Variants in LRRC41 observed in about 807,000 individuals in gnomAD.
LRRC41 encodes the protein leucine rich repeat containing 41, also known as leucine-rich repeat-containing protein 41.
In LRRC41, 17 loss-of-function variants were observed where a neutral mutation model predicts 72.1. The ratio of observed to expected loss-of-function variants is 0.24; its 90% CI spans 0.16 to 0.35. LRRC41 has a LOEUF of 0.35. Ranked by LOEUF, LRRC41 falls within the 10% of genes least tolerant of loss-of-function variation. The pLI is 1.00. For missense variants in LRRC41, 759 were observed against 1,065.0 expected (o/e 0.71, Z 4.00); for synonymous variants, 427 against 431.0 (o/e 0.99, Z 0.11).
At chr1:46,293,575 GTTT>G (rs1007868393) in intron 3 of LRRC41, among the ~76,000 whole-genome samples, 8 of 151,760 alleles carry the variant, frequency 5.3e-5, no homozygotes, top group African/African-American at 1.9e-4. Context: ...TTGTTTATTG[GTTT>G]TATTATTTTT....
intron 7 of LRRC41, 66 bp downstream of exon 7, chr1:46,280,126 A>T: frequency 8.2e-7 from 1 of 1,223,614 alleles, no homozygotes; most frequent in Non-Finnish European, 1.2e-6. Flanking sequence ...TGGTTTGCTC[A>T]CTCAGATTAT....
chr1:46,294,762 T>C (rs1354883623), intron 3 of LRRC41, among the ~76,000 whole-genome samples: 1 of 151,836 alleles, frequency 6.6e-6, no homozygotes, highest in Non-Finnish European at 1.5e-5. Flanking sequence ...GCCCAGCTAA[T>C]TTTTGTATTT....
At position 46,303,503 on chromosome 1, in the gene LRRC41, T is replaced by A; in HGVS notation, c.-181A>T. On this transcript the variant is annotated 5_prime_UTR_variant, in exon 1 of 10. Transcript: ENST00000617190. ...CTACTATTTTAGATAAACTCCTAGA[T>A]CAATTATACTTGGGTGTGGTATGAC... 1.3e-6 allele frequency: 1 copy of A among 744,296 alleles called. No individual in the cohort carries two copies. The highest frequency in any genetic ancestry group is 2.1e-6 in the Non-Finnish European group (1 of 469,424). The allele number at this position is 744,296 out of a possible 1,614,324, so 46.1% of individuals were successfully genotyped here.
At position 46,283,822 on chromosome 1, in the gene LRRC41, C is replaced by T. The variant is rs186932743; in HGVS notation, c.1495+1540G>A. ...CTGGGATTACAGGCGCCCACCATCA[C>T]GCCTGGCTAATTTTTGTATTTTTAG... On this transcript the variant is annotated intron_variant, in intron 4 of 9. Transcript: ENST00000617190. 1.6e-3 allele frequency among the ~76,000 whole-genome samples: 245 copies of T among 151,964 alleles called. 1 individual carries two copies. Among genetic ancestry groups the T allele is most frequent in the Non-Finnish European group, 2.6e-4 (18 of 67,976 alleles).
Position 46,277,764 on chromosome 1 carries a change from T to C in LRRC41, c.*1101A>G. The C allele has an allele frequency of 6.5e-7, 1 of 1,542,028 alleles. No individual in the cohort carries two copies. The highest frequency in any genetic ancestry group is 8.9e-7 in the Non-Finnish European group (1 of 1,117,584). ...CTTTGGTTTTCCTGCTCCCTTTTTA[T>C]GAGGATGGCTAAGCGCTGTATCTTT... On this transcript the variant is annotated 3_prime_UTR_variant, in exon 10 of 10. Coordinates refer to ENST00000617190, the MANE Select transcript of LRRC41 (RefSeq NM_006369.5).
chr1:46,278,397 G>C lies in LRRC41; in HGVS notation c.*468C>G. ...TGGGAGAAAATCATCAAGAAGGGCT[G>C]CATGATGTTTGCCCAAAATTTATTT... is the stretch of plus-strand genomic sequence containing the variant. On this transcript the variant is annotated 3_prime_UTR_variant, in exon 10 of 10. Coordinates refer to ENST00000617190, the MANE Select transcript of LRRC41 (RefSeq NM_006369.5). The C allele has an allele frequency of 8.2e-7, 1 of 1,220,664 alleles. No homozygotes were observed. The highest frequency in any genetic ancestry group is 1.2e-6 in the Non-Finnish European group (1 of 859,628). 75.6% of individuals were successfully genotyped at this position (1,220,664 alleles called of 1,614,324 possible). A position where few individuals can be genotyped will look rare whatever the true frequency, so the allele number is the denominator to read the frequency against.
At position 46,279,588 on chromosome 1, in the gene LRRC41, A is replaced by G; in HGVS notation, c.2047T>C (p.Phe683Leu). The change falls in exon 8 of 10, where the codon TTT (phenylalanine) becomes CTT (leucine). Residue 683 changes from phenylalanine to leucine, a missense_variant. Coordinates refer to ENST00000617190, the MANE Select transcript of LRRC41 (RefSeq NM_006369.5). The surrounding 1 kb of genome is among the most constrained non-coding windows in gnomAD (Gnocchi z 4.5). ...AGAAATTGGGCTGGGCGCTTCTCAA[A>G]CAGACGGCAGAAGGAGAAGGTAATC... ...QEITFSFCRL[F>L]EKRPAQFLPE... 6.2e-7 allele frequency: 1 copy of G among 1,614,174 alleles called. No homozygotes were observed. Among genetic ancestry groups the G allele is most frequent in the Non-Finnish European group, 8.5e-7 (1 of 1,180,032 alleles).
chr1:46,294,683 C>T (rs1486569913), intron 3 of LRRC41, among the ~76,000 whole-genome samples: 1 of 150,054 alleles, frequency 6.7e-6, no homozygotes, highest in Non-Finnish European at 1.5e-5. Flanking sequence ...CAACCTCTGC[C>T]TCCTGGGTTC....
At position 46,279,623 on chromosome 1, in the gene LRRC41, A is replaced by T. The variant is rs1319064098; in HGVS notation, c.2021-9T>A. On this transcript the variant is annotated splice_polypyrimidine_tract_variant and intron_variant, in intron 7 of 9. Transcript: ENST00000617190. This position sits in a 1 kb window ranked among gnomAD's most constrained non-coding sequence, Gnocchi z 4.5. ...GAAGGAGAAGGTAATCTCTGTCAAG[A>T]AAAATTATAGTAAATTCTGATGGCT... 6.2e-7 allele frequency: 1 copy of T among 1,614,182 alleles called. No homozygotes were observed. Among genetic ancestry groups the T allele is most frequent in the Admixed American group, 1.7e-5 (1 of 60,024 alleles).
intron 1 of LRRC41, chr1:46,301,904 T>A: frequency 1.1e-6 from 1 of 949,966 alleles, no homozygotes; most frequent in Non-Finnish European, 1.2e-6. Context: ...GACCCCACCC[T>A]CACAGAGCCA....
intron 3 of LRRC41, among the ~76,000 whole-genome samples, chr1:46,289,102 G>C (rs1409833841): frequency 6.6e-6 from 1 of 152,184 alleles, no homozygotes; most frequent in Non-Finnish European, 1.5e-5. Flanking sequence ...GGTTAGATAG[G>C]TAAATACTGG....
At position 46,278,879 on chromosome 1, in the gene LRRC41, C is replaced by T; in HGVS notation, c.2425G>A (p.Val809Ile). ...WDSSQAFADY[V>I]STM ...TACGGGCCCCATCACATGGTGCTAA[C>T]ATAATCTGCGAAGGCCTGGGATGAG... Residue 809 changes from valine (V) to isoleucine (I), a missense_variant, in exon 10 of 10, where the codon GTT becomes ATT. Val to Ile is a conservative substitution (Grantham distance 29). Around this residue, in one of 4 missense-constraint regions of LRRC41, gnomAD observed 110 missense variants for 227.0 expected, o/e 0.48. Transcript: ENST00000617190. 1 of 1,610,670 alleles carries T rather than the reference C, an allele frequency of 6.2e-7. No homozygotes were observed. Among genetic ancestry groups the T allele is most frequent in the Middle Eastern group, 1.7e-4 (1 of 6,056 alleles).
chr1:46,280,224 A>G lies in LRRC41; in HGVS notation c.1988T>C (p.Val663Ala), dbSNP rs1660742466. 2 of 1,614,050 alleles carry G rather than the reference A, an allele frequency of 1.2e-6. No homozygotes were observed. ...AGTCAGATTCTGTAGCAAAAAGAGC[A>G]CCTCGCTCTGACAGTCAGCGAGATT... is the stretch of plus-strand genomic sequence containing the variant. ...DMNLADCQSE[V>A]LFLLQNLTLQ... Residue 663 changes from valine (V) to alanine (A), a missense_variant, in exon 7 of 10, where the codon GTG becomes GCG. Coordinates refer to ENST00000617190, the MANE Select transcript of LRRC41 (RefSeq NM_006369.5).
Position 46,303,140 on chromosome 1 carries a change from C to T in LRRC41, c.183G>A (p.Leu61=). 6.7e-7 allele frequency: 1 copy of T among 1,496,476 alleles called. No homozygotes were observed. Among genetic ancestry groups the T allele is most frequent in the Non-Finnish European group, 8.9e-7 (1 of 1,126,396 alleles). The allele number at this position is 1,496,476 out of a possible 1,614,324, so 92.7% of individuals were successfully genotyped here. The change falls in exon 1 of 10, where the codon CTG becomes CTA. Residue 61 remains leucine (L), a synonymous_variant. Coordinates refer to ENST00000617190, the MANE Select transcript of LRRC41 (RefSeq NM_006369.5). ...GCGACTTACCCCACACCCCGCTCTCCAGAACCCCCATATGGGCGCTCACCG... is the reference window on the plus strand; with the variant it reads ...GCGACTTACCCCACACCCCGCTCTCTAGAACCCCCATATGGGCGCTCACCG... The part of the protein sequence containing the change: ...GRAVSAHMGV[L]ESGVWALPGP...
At position 46,278,853 on chromosome 1, in the gene LRRC41, G is replaced by T. The variant is rs749809312; in HGVS notation, c.*12C>A. ...ATGGTACCGAGCATGAGACTGTGAG[G>T]TACGGGCCCCATCACATGGTGCTAA... On this transcript the variant is annotated 3_prime_UTR_variant, in exon 10 of 10. Transcript: ENST00000617190. 10 of 1,604,918 alleles carry T rather than the reference G, an allele frequency of 6.2e-6. No individual in the cohort carries two copies. The highest frequency in any genetic ancestry group is 6.8e-6 in the Non-Finnish European group (8 of 1,177,252).
intron 4 of LRRC41, among the ~76,000 whole-genome samples, chr1:46,283,685 T>C (rs1486783789): frequency 6.6e-6 from 1 of 151,838 alleles, no homozygotes; most frequent in Non-Finnish European, 1.5e-5. Context: ...TGAGGAACTC[T>C]GAATAAACAG....
rs953413559 is a variant in LRRC41, at chr1:46,302,960, C to G, written c.199+164G>C. On this transcript the variant is annotated intron_variant, in intron 1 of 9. Coordinates refer to ENST00000617190, the MANE Select transcript of LRRC41 (RefSeq NM_006369.5). This position sits in a 1 kb window ranked among gnomAD's most constrained non-coding sequence, Gnocchi z 4.7. The stretch of plus-strand genomic sequence containing the variant: ...ATTTAGGTCTCCGTCTTTACTCTGT[C>G]CAGCCCTGTCAGTCACAAAATTCAT... The G allele has an allele frequency of 3.0e-6, 3 of 984,822 alleles. No homozygotes were observed. The African/African-American group carries it at 5.3e-5, about 17-fold the overall frequency. The allele number at this position is 984,822 out of a possible 1,614,324, so 61.0% of individuals were successfully genotyped here.
rs1661289729 is a variant in LRRC41 at position 46,303,343 on chromosome 1, C to T, written c.-21G>A. The T allele has an allele frequency of 1.3e-6, 2 of 1,485,492 alleles. No homozygotes were observed. The highest frequency in any genetic ancestry group is 1.3e-5 in the South Asian group (1 of 78,096). The allele number at this position is 1,485,492 out of a possible 1,614,324, so 92.0% of individuals were successfully genotyped here. ...GCCATCTTGGGGAGGTGCGCGAGCCCGAGAGTGTCGCCCGCGGACCGCCAT... is the reference window on the plus strand; with the variant it reads ...GCCATCTTGGGGAGGTGCGCGAGCCTGAGAGTGTCGCCCGCGGACCGCCAT... On this transcript the variant is annotated 5_prime_UTR_variant, in exon 1 of 10. Transcript: ENST00000617190.
At chr1:46,289,926 A>T (rs1219953249) in intron 3 of LRRC41, among the ~76,000 whole-genome samples, 3 of 152,198 alleles carry the variant, frequency 2.0e-5, no homozygotes, top group African/African-American at 7.2e-5. Context: ...AGGTGAAGTG[A>T]TGTTTGCCCA....
Sources: gnomAD v4.1 joint callset for allele counts (sites outside exome capture counted in the v4.1 genomes callset) on GRCh38, gnomAD v4.1.1 for gene constraint, gnomAD v4.1.1 regional missense constraint, Gnocchi (gnomAD v3.1) non-coding constraint, MANE v1.5 for transcripts, NCBI Gene and HGNC (gene_info 2026-07-23, HGNC 2026-07-21) for gene names.